The following HTN3 variants were observed in gnomAD, a reference collection of about 807,000 sequenced individuals.
HTN3 encodes histatin 3.
Under a neutral mutation model 10.6 loss-of-function variants are expected in HTN3, and 15 were observed. That is an observed-to-expected ratio of 1.42 (90% CI 0.95 to 2.18). The LOEUF (loss-of-function observed/expected upper bound fraction) is 2.18. HTN3 is among the 30% of genes most tolerant of loss of function. HTN3 has a pLI of 0.00. For synonymous variants in HTN3, 15 were observed against 16.9 expected (o/e 0.89, Z 0.27); for missense variants, 68 against 58.0 (o/e 1.17, Z -0.56).
Position 70,033,278 on chromosome 4 carries a change from T to C in HTN3, c.*33+25T>C, listed in dbSNP as rs1312036635. On this transcript the variant is annotated intron_variant, in intron 5 of 5. Transcript: ENST00000673563. ...GGTAAGCTGACTCTAGTTACTTTTC[T>C]TTCTAGAAGTATCAACACTGACAGT... The C allele has an allele frequency of 6.5e-6, 7 of 1,074,270 alleles. No individual in the cohort carries two copies. The East Asian group carries it at 1.7e-4, about 27-fold the overall frequency. The allele number at this position is 1,074,270 out of a possible 1,614,324, so 66.5% of individuals were successfully genotyped here.
At chr4:70,033,405 A>C in intron 5 of HTN3, 152 bp downstream of exon 5, 4 of 512,932 alleles carry the variant, frequency 7.8e-6, no homozygotes. Flanking sequence ...ATTTATATAG[A>C]TGCTTCTGAC....
chr4:70,034,934 A>G (rs145473491), intron 5 of HTN3, among the ~76,000 whole-genome samples: 1 of 152,310 alleles, frequency 6.6e-6, no homozygotes, highest in East Asian at 1.9e-4. Context: ...CATCCTCAGA[A>G]AACTAAAACA....
At chr4:70,030,871 TATATTC>T in intron 2 of HTN3, 80 bp downstream of exon 2, 3 of 1,082,376 alleles carry the variant, frequency 2.8e-6, no homozygotes, top group Non-Finnish European at 4.2e-6. Flanking sequence ...CGTTCTGCCA[TATATTC>T]ATGTTCACCT....
At chr4:70,029,517 C>CAATACAATGTA (rs1725323020) in intron 1 of HTN3, among the ~76,000 whole-genome samples, 2 of 151,816 alleles carry the variant, frequency 1.3e-5, no homozygotes, top group Non-Finnish European at 2.9e-5. Context: ...TGTTCTATCA[C>CAATACAATGTA]AAGTGACAGG....
chr4:70,030,863 T>C, intron 2 of HTN3, 72 bp downstream of exon 2: 1 of 1,157,920 alleles, frequency 8.6e-7, no homozygotes, highest in Non-Finnish European at 1.3e-6. Flanking sequence ...ATTCCTTACG[T>C]TCTGCCATAT....
chr4:70,028,688 T>A (rs1467508584), intron 1 of HTN3, among the ~76,000 whole-genome samples, 172 bp downstream of exon 1: 1 of 152,126 alleles, frequency 6.6e-6, no homozygotes, highest in East Asian at 1.9e-4. Context: ...TTCCTATGAA[T>A]TAACACCAGC....
At chr4:70,029,937 T>G (rs1725340097) in intron 1 of HTN3, among the ~76,000 whole-genome samples, 1 of 152,196 alleles carries the variant, frequency 6.6e-6, no homozygotes, top group South Asian at 2.1e-4. Flanking sequence ...TATTCTTTAA[T>G]AGAAATCTGG....
intron 1 of HTN3, among the ~76,000 whole-genome samples, chr4:70,029,957 A>T (rs1252273730): frequency 6.6e-6 from 1 of 152,172 alleles, no homozygotes; most frequent in South Asian, 2.1e-4. Flanking sequence ...GCTCATATTC[A>T]CTGACTTTAT....
intron 5 of HTN3, among the ~76,000 whole-genome samples, 180 bp from the exon 6 acceptor site, chr4:70,036,087 T>C (rs758262318): frequency 6.6e-5 from 10 of 152,202 alleles, no homozygotes; most frequent in Non-Finnish European, 1.3e-4. Flanking sequence ...TTTATTCTGA[T>C]ACCCACTTAA....
intron 5 of HTN3, chr4:70,033,489 T>G: frequency 3.6e-6 from 1 of 281,194 alleles, no homozygotes. Flanking sequence ...TTGGTACCGG[T>G]ACCATGCTGT....
rs151219648 is a variant in HTN3 at position 70,031,989 on chromosome 4, C to T, written c.62C>T (p.Ser21Leu). The T allele has an allele frequency of 6.4e-7, 1 of 1,552,888 alleles. No homozygotes were observed. The highest frequency in any genetic ancestry group is 8.9e-7 in the Non-Finnish European group (1 of 1,129,244). ...ALMLSMTGAD[S>L]HAKRHHGYKR... ...TTCTTCTTTTCCAAGGGAGCTGATT[C>T]ACATGCAAAGGTAAGACATTTTCAT... The change falls in exon 3 of 6, where the codon TCA becomes TTA. Residue 21 changes from serine to leucine, a missense_variant. Ser to Leu is a moderately radical substitution (Grantham distance 145, BLOSUM62 -2). Transcript: ENST00000673563.
chr4:70,030,438 C>A (rs1352954707), intron 1 of HTN3, among the ~76,000 whole-genome samples: 3 of 152,030 alleles, frequency 2.0e-5, no homozygotes, highest in Admixed American at 1.3e-4. Context: ...ACAGTCTGGG[C>A]AATATAGTGA....
At chr4:70,033,048 A>T in intron 4 of HTN3, 119 bp from the exon 5 acceptor site, 1 of 688,946 alleles carries the variant, frequency 1.5e-6, no homozygotes, top group Admixed American at 2.9e-5. Flanking sequence ...TATGTAGATA[A>T]CACACGAGGT....
At chr4:70,031,499 AATT>A (rs1725381062) in intron 2 of HTN3, 1 of 153,446 alleles carries the variant, frequency 6.5e-6, no homozygotes, top group Non-Finnish European at 1.4e-5. Flanking sequence ...TCAAAAACAA[AATT>A]GGTTATGGCA....
At chr4:70,030,954 CTT>C in intron 2 of HTN3, 163 bp downstream of exon 2, 2 of 578,190 alleles carry the variant, frequency 3.5e-6, no homozygotes, top group Non-Finnish European at 6.1e-6. Flanking sequence ...TCTTAAAGGA[CTT>C]AGAATAAATA....
At chr4:70,032,193 C>T (rs1725398257) in intron 4 of HTN3, 86 bp downstream of exon 4, 1 of 884,794 alleles carries the variant, frequency 1.1e-6, no homozygotes, top group Non-Finnish European at 1.8e-6. Context: ...AGTTATCTCT[C>T]AAATATATTT....
intron 1 of HTN3, among the ~76,000 whole-genome samples, chr4:70,029,345 T>C (rs1725319747): frequency 6.6e-6 from 1 of 151,990 alleles, no homozygotes; most frequent in Admixed American, 6.6e-5. Context: ...AAATATATAA[T>C]TTTTATAGTT....
At chr4:70,029,853 G>A (rs1232150554) in intron 1 of HTN3, among the ~76,000 whole-genome samples, 2 of 152,022 alleles carry the variant, frequency 1.3e-5, no homozygotes, top group Non-Finnish European at 2.9e-5. Context: ...CATTTTCCCT[G>A]TGACTTCTCT....
At chr4:70,034,159 T>A (rs1725452777) in intron 5 of HTN3, 1 of 152,052 alleles carries the variant, frequency 6.6e-6, no homozygotes, top group Non-Finnish European at 1.5e-5. Flanking sequence ...AAAGACTTCA[T>A]GAAGAAAATG....
Sources: allele counts gnomAD v4.1 joint callset (sites outside exome capture counted in the v4.1 genomes callset), GRCh38; gene constraint gnomAD v4.1.1; transcripts MANE v1.5; gene names NCBI Gene and HGNC (gene_info 2026-07-23, HGNC 2026-07-21).